TMEM170B: variants seen among roughly 807,000 people sequenced by gnomAD.
TMEM170B encodes the protein transmembrane protein 170B.
A neutral mutation model predicts 13.0 loss-of-function variants in TMEM170B; 6 were observed. The ratio of observed to expected loss-of-function variants is 0.46; its 90% CI spans 0.25 to 0.91. The LOEUF (loss-of-function observed/expected upper bound fraction) is 0.91, where lower values mean the gene tolerates loss of function less well. Among genes scored for constraint, TMEM170B ranks in the 40% least tolerant of loss-of-function variants. The pLI, the probability that TMEM170B is intolerant of heterozygous loss-of-function variation, is 0.17. For synonymous variants in TMEM170B, 61 were observed against 64.9 expected, an observed-to-expected ratio of 0.94 and a Z score of 0.29; for missense variants, 138 against 165.2, an observed-to-expected ratio of 0.84 and a Z score of 0.90.
chr6:11,544,925 C>T (rs1759412151), intron 1 of TMEM170B, among the ~76,000 whole-genome samples: 1 of 151,780 alleles, frequency 6.6e-6, no homozygotes, highest in Admixed American at 6.6e-5. Context: ...GGTAACTTGA[C>T]TTTTAAAAAA....
chr6:11,567,035 A>C (rs1285163034), intron 2 of TMEM170B, among the ~76,000 whole-genome samples: 1 of 152,182 alleles, frequency 6.6e-6, no homozygotes, highest in Non-Finnish European at 1.5e-5. Flanking sequence ...GGTGCCTGTG[A>C]CCAATTATCA....
chr6:11,540,371 C>G (rs1188462295), intron 1 of TMEM170B, among the ~76,000 whole-genome samples: 1 of 152,198 alleles, frequency 6.6e-6, no homozygotes, highest in South Asian at 2.1e-4. Flanking sequence ...TAGTCTAAAT[C>G]CTTTGTTGTC....
Position 11,542,546 on chromosome 6 carries a change from G to T in TMEM170B, c.97+4172G>T, listed in dbSNP as rs760460262. Among the ~76,000 whole-genome samples, 35 of 152,168 alleles carry T rather than the reference G, an allele frequency of 2.3e-4. 1 individual carries two copies. Among genetic ancestry groups the T allele is most frequent in the Non-Finnish European group, 4.4e-5 (3 of 68,008 alleles). On this transcript the variant is annotated intron_variant, in intron 1 of 2. Coordinates refer to ENST00000379426, the MANE Select transcript of TMEM170B (RefSeq NM_001100829.3). ...CTCTACTAGGAAATAACTACTGTCT[G>T]AATATGTGAAATTCTAGGCGTCAGG...
At chr6:11,559,186 TC>T (rs1470470568) in intron 1 of TMEM170B, among the ~76,000 whole-genome samples, 2 of 150,590 alleles carry the variant, frequency 1.3e-5, no homozygotes, top group Non-Finnish European at 3.0e-5. Flanking sequence ...TATATTTTTT[TC>T]TTTTCTTTTC....
At chr6:11,561,300 G>C (rs1488779872) in intron 1 of TMEM170B, among the ~76,000 whole-genome samples, 1 of 152,138 alleles carries the variant, frequency 6.6e-6, no homozygotes, top group East Asian at 1.9e-4. Flanking sequence ...TTACCCAATT[G>C]CTAGAAGCTT....
chr6:11,538,368 C>T lies in TMEM170B; in HGVS notation c.91C>T (p.Leu31Phe). 2.0e-6 allele frequency: 3 copies of T among 1,512,470 alleles called. No homozygotes were observed. The highest frequency in any genetic ancestry group is 1.8e-6 in the Non-Finnish European group (2 of 1,132,974). 93.7% of individuals were successfully genotyped at this position (1,512,470 alleles called of 1,614,324 possible). A position where few individuals can be genotyped will look rare whatever the true frequency, so the allele number is the denominator to read the frequency against. The stretch of plus-strand genomic sequence containing the variant: ...GGCCCACGGGACGGTGCTGAGGAAC[C>T]TCACGGGTAATTGACGCGCCTGGGC... ...LWAHGTVLRNLTEMWYWIFLW... is the reference protein window; with the variant it reads ...LWAHGTVLRNFTEMWYWIFLW... The change falls in exon 1 of 3, where the codon CTC becomes TTC. Residue 31 changes from leucine (L) to phenylalanine (F), a missense_variant. Coordinates refer to ENST00000379426, the MANE Select transcript of TMEM170B (RefSeq NM_001100829.3).
intron 2 of TMEM170B, among the ~76,000 whole-genome samples, chr6:11,567,528 G>C (rs1237342149): frequency 6.6e-6 from 1 of 152,202 alleles, no homozygotes; most frequent in Non-Finnish European, 1.5e-5. Flanking sequence ...CTACTCCCAT[G>C]TTCCTGGGTA....
intron 1 of TMEM170B, among the ~76,000 whole-genome samples, chr6:11,551,351 A>G (rs188858845): frequency 6.6e-6 from 1 of 152,264 alleles, no homozygotes; most frequent in East Asian, 1.9e-4. Flanking sequence ...GCTCTGGAAC[A>G]TTGTGCGAGC....
Position 11,580,832 on chromosome 6 carries a change from A to G in TMEM170B, c.*5271A>G, listed in dbSNP as rs979599631. On this transcript the variant is annotated 3_prime_UTR_variant, in exon 3 of 3. Transcript: ENST00000379426. Reference sequence around the variant, plus strand: ...TAGAAACTATACTGGATGAGTATGTATACTGCATGTTTACACATGCTGTGT... The same window carrying G: ...TAGAAACTATACTGGATGAGTATGTGTACTGCATGTTTACACATGCTGTGT... 6.6e-6 allele frequency: 1 copy of G among 152,218 alleles called. No homozygotes were observed. Among genetic ancestry groups the G allele is most frequent in the African/African-American group, 2.4e-5 (1 of 41,452 alleles). The allele number at this position is 152,218 out of a possible 1,614,324, so 9.4% of individuals were successfully genotyped here.
At position 11,583,212 on chromosome 6, in the gene TMEM170B, A is replaced by G. The variant is rs1220111423; in HGVS notation, c.*7651A>G. On this transcript the variant is annotated 3_prime_UTR_variant, in exon 3 of 3. Coordinates refer to ENST00000379426, the MANE Select transcript of TMEM170B (RefSeq NM_001100829.3). ...ACATATGCAAGTTATTTTTAATTAT[A>G]GAAAGTAGGTCTACAAAGATAAGAT... 1 of 152,212 alleles carries G rather than the reference A, an allele frequency of 6.6e-6. No individual in the cohort carries two copies. The highest frequency in any genetic ancestry group is 1.5e-5 in the Non-Finnish European group (1 of 68,032). The allele number at this position is 152,212 out of a possible 1,614,324, so 9.4% of individuals were successfully genotyped here. A position where few individuals can be genotyped will look rare whatever the true frequency, so the allele number is the denominator to read the frequency against.
chr6:11,543,362 A>T (rs1353971405), intron 1 of TMEM170B, among the ~76,000 whole-genome samples: 1 of 152,222 alleles, frequency 6.6e-6, no homozygotes, highest in East Asian at 1.9e-4. Flanking sequence ...CTGTTAAGGA[A>T]GAATGAAGTG....
At chr6:11,552,015 G>C (rs1759532001) in intron 1 of TMEM170B, among the ~76,000 whole-genome samples, 1 of 152,116 alleles carries the variant, frequency 6.6e-6, no homozygotes, top group African/African-American at 2.4e-5. Flanking sequence ...TTCCAGGCCT[G>C]CGTATCAGAA....
At chr6:11,574,992 A>G (rs949756908) in intron 2 of TMEM170B, among the ~76,000 whole-genome samples, 2 of 151,936 alleles carry the variant, frequency 1.3e-5, no homozygotes, top group African/African-American at 4.8e-5. Flanking sequence ...TTAATATTAA[A>G]ATATTTATTA....
At chr6:11,554,420 T>TA in intron 1 of TMEM170B, among the ~76,000 whole-genome samples, 1 of 152,016 alleles carries the variant, frequency 6.6e-6, no homozygotes, top group South Asian at 2.1e-4. Context: ...TTTATCTGAG[T>TA]AAAAATCACT....
chr6:11,547,412 A>G (rs1759454093), intron 1 of TMEM170B, among the ~76,000 whole-genome samples: 1 of 151,152 alleles, frequency 6.6e-6, no homozygotes, highest in African/African-American at 2.4e-5. Context: ...GAGCTTAAGT[A>G]GAAAAAATTA....
chr6:11,564,808 A>G (rs1759714089), intron 1 of TMEM170B, among the ~76,000 whole-genome samples: 1 of 152,190 alleles, frequency 6.6e-6, no homozygotes, highest in Non-Finnish European at 1.5e-5. Context: ...CTACCCAAAG[A>G]GCAAGGACAC....
At position 11,538,283 on chromosome 6, in the gene TMEM170B, G is replaced by T; in HGVS notation, c.6G>T (p.Lys2Asn). 1.4e-6 allele frequency: 2 copies of T among 1,406,670 alleles called. No homozygotes were observed. 87.1% of individuals were successfully genotyped at this position (1,406,670 alleles called of 1,614,324 possible). The change falls in exon 1 of 3, where the codon AAG becomes AAT. Residue 2 changes from lysine (K) to asparagine (N), a missense_variant. Coordinates refer to ENST00000379426, the MANE Select transcript of TMEM170B (RefSeq NM_001100829.3). ...GCGGGCGCCCCTCGGGGAAGATGAA[G>T]GCGGAGGGGGGCGACCACTCCATGA... M[K>N]AEGGDHSMIN...
chr6:11,573,315 A>T (rs1582147418), intron 2 of TMEM170B, among the ~76,000 whole-genome samples: 1 of 152,194 alleles, frequency 6.6e-6, no homozygotes, highest in East Asian at 1.9e-4. Context: ...ACCTAAATTT[A>T]TTTTTTTGAA....
intron 2 of TMEM170B, among the ~76,000 whole-genome samples, chr6:11,572,995 ATTTGT>A (rs1314806496): frequency 2.6e-5 from 4 of 152,114 alleles, no homozygotes; most frequent in East Asian, 1.9e-4. Flanking sequence ...GATGGTGGAC[ATTTGT>A]TTTGTTTTTG....
Sources: gnomAD v4.1 joint callset for allele counts (sites outside exome capture counted in the v4.1 genomes callset) on GRCh38, gnomAD v4.1.1 for gene constraint, MANE v1.5 for transcripts, NCBI Gene and HGNC (gene_info 2026-07-23, HGNC 2026-07-21) for gene names.